EFNB2: variants seen among roughly 807,000 people sequenced by gnomAD.
EFNB2 encodes the protein ephrin-B2.
A neutral mutation model predicts 32.1 loss-of-function variants in EFNB2; 5 were observed. The ratio of observed to expected loss-of-function variants is 0.16; its 90% CI spans 0.08 to 0.33. The LOEUF is 0.33. EFNB2 is among the 10% of genes least tolerant of loss of function. The pLI is 1.00. For synonymous variants in EFNB2, 168 were observed against 166.5 expected (o/e 1.01, Z -0.07); for missense variants, 263 against 422.6 (o/e 0.62, Z 3.31).
chr13:106,500,139 T>C (rs1371197488), intron 2 of EFNB2, among the ~76,000 whole-genome samples: 1 of 152,172 alleles, frequency 6.6e-6, no homozygotes, highest in South Asian at 2.1e-4. Flanking sequence ...CTGGCTGTGC[T>C]TTTTAGCCCA....
intron 2 of EFNB2, among the ~76,000 whole-genome samples, chr13:106,498,660 G>A: frequency 6.6e-6 from 1 of 151,808 alleles, no homozygotes. Flanking sequence ...TTTATTTCTT[G>A]GTTTAAAAAA....
At chr13:106,499,095 G>C (rs1041432822) in intron 2 of EFNB2, among the ~76,000 whole-genome samples, 2 of 152,026 alleles carry the variant, frequency 1.3e-5, no homozygotes, top group Non-Finnish European at 2.9e-5. Context: ...GAAACTCCAG[G>C]AGGTAAACTT....
At position 106,493,305 on chromosome 13, in the gene EFNB2, A is replaced by G. The variant is rs776646689; in HGVS notation, c.737T>C (p.Val246Ala). ...IIFIVIIITL[V>A]VLLLKYRRRH... ...CCTCCGGTACTTCAGCAAGAGGACC[A>G]CCAGCGTGATGATGATGACGATGAA... Residue 246 changes from valine to alanine, a missense_variant, in exon 5 of 5, where the codon GTG becomes GCG. By Grantham distance (64) the Val-to-Ala change is moderately conservative (BLOSUM62 0). Coordinates refer to ENST00000646441, the MANE Select transcript of EFNB2 (RefSeq NM_004093.4). This position sits in a 1 kb window ranked among gnomAD's most constrained non-coding sequence, Gnocchi z 6.1. The G allele has an allele frequency of 8.1e-6, 13 of 1,614,080 alleles. No individual in the cohort carries two copies. The highest frequency in any genetic ancestry group is 9.3e-6 in the Non-Finnish European group (11 of 1,180,048).
chr13:106,532,882 T>C (rs1879927780), intron 1 of EFNB2, among the ~76,000 whole-genome samples: 1 of 151,778 alleles, frequency 6.6e-6, no homozygotes, highest in African/African-American at 2.4e-5. Context: ...CTCGACACAT[T>C]ACAAAAAGAA....
At chr13:106,515,367 C>T (rs1483953913) in intron 1 of EFNB2, among the ~76,000 whole-genome samples, 1 of 152,136 alleles carries the variant, frequency 6.6e-6, no homozygotes, top group African/African-American at 2.4e-5. Flanking sequence ...TGGTCAGTGA[C>T]GGCAATCCGG....
intron 1 of EFNB2, chr13:106,519,638 G>A (rs539180969): frequency 6.6e-6 from 1 of 152,228 alleles, no homozygotes; most frequent in Non-Finnish European, 1.5e-5. Flanking sequence ...TATATGGCAT[G>A]TTGTTCTGTT....
chr13:106,531,807 C>A (rs1159020186), intron 1 of EFNB2, among the ~76,000 whole-genome samples: 1 of 152,122 alleles, frequency 6.6e-6, no homozygotes, highest in Non-Finnish European at 1.5e-5. Context: ...TGTTAACTAA[C>A]TAGTATGTGA....
At chr13:106,522,448 G>T (rs1004545313) in intron 1 of EFNB2, among the ~76,000 whole-genome samples, 1 of 152,122 alleles carries the variant, frequency 6.6e-6, no homozygotes, top group African/African-American at 2.4e-5. Flanking sequence ...ATTTCCAGCT[G>T]GTTCTCTCTT....
At chr13:106,534,734 G>A in intron 1 of EFNB2, 109 bp downstream of exon 1, 2 of 1,298,502 alleles carry the variant, frequency 1.5e-6, no homozygotes, top group Non-Finnish European at 2.1e-6. Context: ...ACGGGGAACC[G>A]AGGTTCCAGA....
intron 2 of EFNB2, among the ~76,000 whole-genome samples, chr13:106,509,271 ACTC>A (rs1186216372): frequency 6.6e-6 from 1 of 152,096 alleles, no homozygotes; most frequent in Non-Finnish European, 1.5e-5. Context: ...CCTCTGGACT[ACTC>A]CTCACTGGGG....
intron 1 of EFNB2, among the ~76,000 whole-genome samples, chr13:106,522,891 T>C (rs1339031599): frequency 2.6e-5 from 4 of 152,148 alleles, no homozygotes; most frequent in Non-Finnish European, 4.4e-5. Context: ...GGGTGCTCAA[T>C]AGGTGGCTGT....
intron 2 of EFNB2, 74 bp downstream of exon 2, chr13:106,512,455 G>A: frequency 4.1e-6 from 4 of 982,444 alleles, no homozygotes; most frequent in South Asian, 4.0e-5. Flanking sequence ...TAATTTTAAG[G>A]AAACAAAAAA....
intron 2 of EFNB2, among the ~76,000 whole-genome samples, chr13:106,501,315 G>GA (rs1167443401): frequency 8.4e-6 from 1 of 119,340 alleles, no homozygotes; most frequent in East Asian, 2.9e-4. Flanking sequence ...TTGCCAAAAG[G>GA]AAAAAAAGAA....
rs75597116 is a variant in EFNB2, at chr13:106,496,068, C to T, written c.407-228G>A. 8.3e-3 allele frequency among the ~76,000 whole-genome samples: 1,259 copies of T among 152,242 alleles called. 13 individuals carry two copies. The highest frequency in any genetic ancestry group is 0.016 in the Admixed American group (245 of 15,288). On this transcript the variant is annotated intron_variant, in intron 2 of 4. Transcript: ENST00000646441. ...ACTGCCGCACGTATGCTATCTGACT[C>T]CAAATTTATTTAGGCACTTTCTCCT...
In EFNB2 at chr13:106,512,828, A is replaced by G. The variant is rs1879186987; in HGVS notation, c.123-16T>C. Reference sequence around the variant, plus strand: ...AGGTAGAAATCTAAAAGCATAAGAAAAAAAAGCCATTGAGTTGATAAAAAT... The same window carrying G: ...AGGTAGAAATCTAAAAGCATAAGAAGAAAAAGCCATTGAGTTGATAAAAAT... On this transcript the variant is annotated splice_polypyrimidine_tract_variant and intron_variant, in intron 1 of 4. Coordinates refer to ENST00000646441, the MANE Select transcript of EFNB2 (RefSeq NM_004093.4). 1 of 1,547,738 alleles carries G rather than the reference A, an allele frequency of 6.5e-7. No homozygotes were observed. The highest frequency in any genetic ancestry group is 2.0e-5 in the Admixed American group (1 of 50,490).
At chr13:106,527,463 C>T (rs1879739504) in intron 1 of EFNB2, among the ~76,000 whole-genome samples, 1 of 152,084 alleles carries the variant, frequency 6.6e-6, no homozygotes, top group African/African-American at 2.4e-5. Context: ...ACTTTTTCTT[C>T]CTATCTTGTT....
chr13:106,505,907 T>C (rs1878933575), intron 2 of EFNB2: 1 of 152,106 alleles, frequency 6.6e-6, no homozygotes, highest in Non-Finnish European at 1.5e-5. Context: ...GTGAACAGAG[T>C]CTCCGTCCAC....
intron 1 of EFNB2, among the ~76,000 whole-genome samples, chr13:106,525,404 CTGA>C (rs765854552): frequency 6.6e-5 from 10 of 152,178 alleles, no homozygotes; most frequent in Non-Finnish European, 1.5e-4. Context: ...GCAGTAGGTA[CTGA>C]TAATTCTCAC....
chr13:106,525,824 G>A (rs923448731), intron 1 of EFNB2, among the ~76,000 whole-genome samples: 1 of 152,138 alleles, frequency 6.6e-6, no homozygotes, highest in Admixed American at 6.5e-5. Flanking sequence ...TGTTAGAGCC[G>A]AGTAACAGGC....
Sources: gnomAD v4.1 joint callset for allele counts (sites outside exome capture counted in the v4.1 genomes callset) on GRCh38, gnomAD v4.1.1 for gene constraint, Gnocchi (gnomAD v3.1) non-coding constraint, MANE v1.5 for transcripts, NCBI Gene and HGNC (gene_info 2026-07-23, HGNC 2026-07-21) for gene names.